The following SPACA3 variants were observed in gnomAD, a reference collection of about 807,000 sequenced individuals.
The protein encoded by SPACA3 is sperm acrosome membrane-associated protein 3.
A neutral mutation model predicts 24.5 loss-of-function variants in SPACA3; 21 were observed. That is an observed-to-expected ratio of 0.86 (90% confidence interval 0.61 to 1.24). SPACA3 has a LOEUF of 1.24. SPACA3 is among the 50% of genes most tolerant of loss of function. The probability of loss-of-function intolerance (pLI) is 0.00; values close to 1 mark genes in which losing one functional copy is unlikely to be tolerated. For missense variants in SPACA3, 278 were observed against 275.5 expected (o/e 1.01, Z -0.06); for synonymous variants, 115 against 106.9 (o/e 1.08, Z -0.47).
At chr17:32,995,268 T>C in intron 1 of SPACA3, 141 bp from the exon 2 acceptor site, 1 of 727,594 alleles carries the variant, frequency 1.4e-6, no homozygotes, top group Non-Finnish European at 2.3e-6. Context: ...GTCTCTGGCC[T>C]GGGTGGTGTG....
intron 1 of SPACA3, 29 bp downstream of exon 1, chr17:32,992,001 C>A: frequency 2.5e-6 from 4 of 1,612,500 alleles, no homozygotes; most frequent in Non-Finnish European, 3.4e-6. Context: ...CTTCCTGGGG[C>A]TGTTAACAGG....
chr17:32,993,690 G>A (rs2091705172), intron 1 of SPACA3, among the ~76,000 whole-genome samples: 1 of 151,798 alleles, frequency 6.6e-6, no homozygotes, highest in African/African-American at 2.4e-5. Flanking sequence ...GAGGGAGAAA[G>A]TGGCGATTTT....
chr17:32,993,907 G>C (rs1458635530), intron 1 of SPACA3, among the ~76,000 whole-genome samples: 1 of 152,054 alleles, frequency 6.6e-6, no homozygotes, highest in African/African-American at 2.4e-5. Flanking sequence ...CAAATCTAGA[G>C]CTTAGAGGGA....
At chr17:32,995,205 T>G (rs2091714103) in intron 1 of SPACA3, among the ~76,000 whole-genome samples, 1 of 152,186 alleles carries the variant, frequency 6.6e-6, no homozygotes, top group African/African-American at 2.4e-5. Context: ...GCCTCAGGAC[T>G]AAATAATCCG....
intron 3 of SPACA3, 25 bp from the exon 4 acceptor site, chr17:32,997,420 T>G (rs142182053): frequency 6.2e-7 from 1 of 1,603,586 alleles, no homozygotes; most frequent in East Asian, 2.2e-5. Context: ...GTTCTCTCAT[T>G]GTGTTTCTCT....
rs539942079 is a variant in SPACA3, at chr17:32,993,498, G to T, written c.34+1526G>T. ...AGCCAGAGAGGGAGGAGGAAACCTG[G>T]GAGAAGGGAGCATCGTGGAAACCAG... On this transcript the variant is annotated intron_variant, in intron 1 of 4. Coordinates refer to ENST00000269053, the MANE Select transcript of SPACA3 (RefSeq NM_173847.5). Among the ~76,000 whole-genome samples the T allele has an allele frequency of 5.3e-4, 80 of 152,304 alleles. 2 individuals carry two copies. The South Asian group carries it at 0.013, about 26-fold the overall frequency.
chr17:32,997,006 C>A lies in SPACA3; in HGVS notation c.502+5C>A. ...TGTGCCGGATGTACTGCTCAGGTAG[C>A]TGGGCCTGGGCCCAGGGCTGGCAGG... On this transcript the variant is annotated splice_donor_5th_base_variant and intron_variant, in intron 3 of 4. Coordinates refer to ENST00000269053, the MANE Select transcript of SPACA3 (RefSeq NM_173847.5). 1 of 1,506,396 alleles carries A rather than the reference C, an allele frequency of 6.6e-7. No individual in the cohort carries two copies. Among genetic ancestry groups the A allele is most frequent in the Non-Finnish European group, 8.9e-7 (1 of 1,126,098 alleles). The allele number at this position is 1,506,396 out of a possible 1,614,324, so 93.3% of individuals were successfully genotyped here.
intron 1 of SPACA3, among the ~76,000 whole-genome samples, chr17:32,992,186 C>CAAAAAA (rs10591674): frequency 1.8e-5 from 2 of 113,566 alleles, no homozygotes; most frequent in African/African-American, 3.1e-5. Flanking sequence ...CACTTTTCTA[C>CAAAAAA]AAAAAAAAAA....
chr17:32,993,110 G>T, intron 1 of SPACA3: 1 of 370,716 alleles, frequency 2.7e-6, no homozygotes. Flanking sequence ...GGGAAGGAGT[G>T]AAGAATGACA....
rs903472048 is a variant in SPACA3 at position 32,995,594 on chromosome 17, C to A, written c.220C>A (p.Leu74Met). The change falls in exon 2 of 5, where the codon CTG becomes ATG. Residue 74 changes from leucine (L) to methionine (M), a missense_variant. By Grantham distance (15) the Leu-to-Met change is conservative. Coordinates refer to ENST00000269053, the MANE Select transcript of SPACA3 (RefSeq NM_173847.5). ...CCCAGCTGGGATCATGTTGTTGGCCCTGGTCTGTCTGCTCAGCTGCCTGCT... is the reference window on the plus strand; with the variant it reads ...CCCAGCTGGGATCATGTTGTTGGCCATGGTCTGTCTGCTCAGCTGCCTGCT... ...WCPAGIMLLA[L>M]VCLLSCLLPS... is the part of the protein sequence containing the mutation. 6.2e-7 allele frequency: 1 copy of A among 1,614,078 alleles called. No individual in the cohort carries two copies. The highest frequency in any genetic ancestry group is 1.3e-5 in the African/African-American group (1 of 74,942).
At chr17:32,994,430 C>T (rs1168029704) in intron 1 of SPACA3, among the ~76,000 whole-genome samples, 1 of 152,204 alleles carries the variant, frequency 6.6e-6, no homozygotes, top group Non-Finnish European at 1.5e-5. Flanking sequence ...GCTGCAAAGC[C>T]ATGACCTCAA....
At chr17:32,996,058 A>T (rs972383769) in intron 2 of SPACA3, among the ~76,000 whole-genome samples, 1 of 152,240 alleles carries the variant, frequency 6.6e-6, no homozygotes, top group African/African-American at 2.4e-5. Flanking sequence ...CAGAGCAGTC[A>T]TGCCAAACTT....
intron 2 of SPACA3, 148 bp downstream of exon 2, chr17:32,995,865 G>C: frequency 1.0e-6 from 1 of 990,152 alleles, no homozygotes. Context: ...GGCAGGTAGA[G>C]AACAGCCAGC....
intron 1 of SPACA3, among the ~76,000 whole-genome samples, chr17:32,994,529 C>T (rs1171054361): frequency 6.6e-6 from 1 of 152,168 alleles, no homozygotes; most frequent in Admixed American, 6.5e-5. Context: ...TTGTACAACT[C>T]TTTCACTTTT....
chr17:32,995,778 C>T, intron 2 of SPACA3, 61 bp downstream of exon 2: 1 of 1,541,420 alleles, frequency 6.5e-7, no homozygotes, highest in Non-Finnish European at 8.8e-7. Context: ...TCTTTCCCTC[C>T]CTCTCTCCTT....
intron 1 of SPACA3, among the ~76,000 whole-genome samples, 186 bp downstream of exon 1, chr17:32,992,158 A>G (rs1216549559): frequency 7.1e-6 from 1 of 140,822 alleles, no homozygotes; most frequent in Admixed American, 7.5e-5. Flanking sequence ...AATGCTCAGG[A>G]TGGAATTCCT....
Position 32,995,461 on chromosome 17 carries a change from G to T in SPACA3, c.87G>T (p.Leu29=), listed in dbSNP as rs1236034636. The change falls in exon 2 of 5, where the codon CTG becomes CTT. Residue 29 remains leucine, a synonymous_variant. Transcript: ENST00000269053. ...CTTCTGTGAGTGGACCACGGAGGCT[G>T]GTGAGCTGCCTGTCATCCCAAAGCT... ...SSPSVSGPRR[L]VSCLSSQSSA... 3 of 1,613,426 alleles carry T rather than the reference G, an allele frequency of 1.9e-6. No homozygotes were observed.
chr17:32,994,974 C>T (rs533292774), intron 1 of SPACA3, among the ~76,000 whole-genome samples: 39 of 152,174 alleles, frequency 2.6e-4, no homozygotes, highest in South Asian at 8.3e-4. Flanking sequence ...TCCCCTTGAG[C>T]GGGCTATAGG....
At chr17:32,996,216 A>G (rs893413224) in intron 2 of SPACA3, among the ~76,000 whole-genome samples, 3 of 152,182 alleles carry the variant, frequency 2.0e-5, no homozygotes, top group African/African-American at 4.8e-5. Context: ...GGCTGGGTGC[A>G]GTGGCTCAGG....
Sources: allele counts gnomAD v4.1 joint callset (sites outside exome capture counted in the v4.1 genomes callset), GRCh38; gene constraint gnomAD v4.1.1; transcripts MANE v1.5; gene names NCBI Gene and HGNC (gene_info 2026-07-23, HGNC 2026-07-21).